The following KCNH5 variants were observed in gnomAD, a reference collection of about 807,000 sequenced individuals.
KCNH5 encodes the protein voltage-gated delayed rectifier potassium channel KCNH5.
In KCNH5, 46 loss-of-function variants were observed where a neutral mutation model predicts 96.1. The observed-to-expected ratio is 0.48, with a 90% CI of 0.38 to 0.61. KCNH5 has a LOEUF of 0.61. Ranked by LOEUF, KCNH5 falls within the 20% of genes least tolerant of loss-of-function variation. KCNH5 has a pLI of 0.00. For missense variants in KCNH5, 907 were observed against 1,225.8 expected, an observed-to-expected ratio of 0.74 and a Z score of 3.88; for synonymous variants, 439 against 449.8, an observed-to-expected ratio of 0.98 and a Z score of 0.30.
chr14:62,713,173 T>C (rs777303150), intron 10 of KCNH5, among the ~76,000 whole-genome samples: 1 of 152,222 alleles, frequency 6.6e-6, no homozygotes, highest in African/African-American at 2.4e-5. Context: ...ATTCAGCAAA[T>C]GTATGACGTG....
chr14:62,850,530 A>G (rs1434511281), intron 7 of KCNH5, among the ~76,000 whole-genome samples: 2 of 152,162 alleles, frequency 1.3e-5, no homozygotes, highest in Admixed American at 6.6e-5. Flanking sequence ...AATTAAATGT[A>G]AAGTTAGCCC....
Position 62,950,316 on chromosome 14 carries a change from T to C in KCNH5, c.1186A>G (p.Ile396Val). The change falls in exon 7 of 11, where the codon ATT (isoleucine) becomes GTT (valine). Residue 396 changes from isoleucine to valine, a missense_variant. Physicochemically the swap from Ile to Val is conservative, Grantham distance 29. This residue lies in a region of KCNH5 where 370 missense variants were observed against 561.3 expected (regional missense o/e 0.66). Transcript: ENST00000322893. ...GTATTGTAGCGATATGGAGTCCCAA[T>C]GCTCAAAGCCAGCTGGTAGAGCCAA... ...DSWLYQLALS[I>V]GTPYRYNTSA... The C allele has an allele frequency of 7.4e-6, 12 of 1,614,036 alleles. No individual in the cohort carries two copies. The highest frequency in any genetic ancestry group is 1.0e-5 in the Non-Finnish European group (12 of 1,179,964).
At chr14:62,858,691 T>A (rs1236454617) in intron 7 of KCNH5, among the ~76,000 whole-genome samples, 1 of 152,066 alleles carries the variant, frequency 6.6e-6, no homozygotes, top group Non-Finnish European at 1.5e-5. Context: ...TGCTAGTGGA[T>A]CCCTAGGGGT....
chr14:62,931,860 G>A (rs1889586869), intron 7 of KCNH5, among the ~76,000 whole-genome samples: 1 of 152,118 alleles, frequency 6.6e-6, no homozygotes, highest in South Asian at 2.1e-4. Context: ...AATGAAGGAA[G>A]AGCAGAAAGT....
At chr14:62,751,269 C>A (rs1451802538) in intron 10 of KCNH5, among the ~76,000 whole-genome samples, 1 of 152,156 alleles carries the variant, frequency 6.6e-6, no homozygotes, top group Non-Finnish European at 1.5e-5. Context: ...GGTAAAATGA[C>A]ATCTATGGGC....
chr14:62,815,804 C>G (rs905304068), intron 8 of KCNH5, among the ~76,000 whole-genome samples: 21 of 151,928 alleles, frequency 1.4e-4, no homozygotes, highest in Non-Finnish European at 5.9e-5. Context: ...ATCTACCAGT[C>G]TTCCAATAGA....
At chr14:62,895,206 A>C (rs981874500) in intron 7 of KCNH5, among the ~76,000 whole-genome samples, 7 of 152,168 alleles carry the variant, frequency 4.6e-5, no homozygotes, top group Non-Finnish European at 8.8e-5. Context: ...GTTCTTTGTT[A>C]ATTTTTTTAT....
chr14:62,772,714 G>A (rs1269395763), intron 10 of KCNH5, among the ~76,000 whole-genome samples: 3 of 150,658 alleles, frequency 2.0e-5, no homozygotes, highest in African/African-American at 4.9e-5. Context: ...ATACTAACCA[G>A]TACAGCAGTA....
chr14:62,961,367 C>T (rs1890201942), intron 6 of KCNH5, among the ~76,000 whole-genome samples: 2 of 152,126 alleles, frequency 1.3e-5, no homozygotes, highest in Admixed American at 1.3e-4. Context: ...TACCCACCAA[C>T]CGTTTCTTTT....
intron 10 of KCNH5, among the ~76,000 whole-genome samples, chr14:62,752,957 C>T (rs891532025): frequency 3.9e-5 from 6 of 152,144 alleles, no homozygotes; most frequent in African/African-American, 1.4e-4. Flanking sequence ...ATCTTTATAG[C>T]AGTGTGAAAA....
intron 2 of KCNH5, among the ~76,000 whole-genome samples, chr14:63,012,172 T>C (rs1479376298): frequency 6.6e-6 from 1 of 152,214 alleles, no homozygotes; most frequent in African/African-American, 2.4e-5. Flanking sequence ...TAAGATCATA[T>C]GCTTTTAAAT....
At chr14:62,894,964 A>G (rs1214365669) in intron 7 of KCNH5, among the ~76,000 whole-genome samples, 2 of 152,226 alleles carry the variant, frequency 1.3e-5, no homozygotes, top group Non-Finnish European at 2.9e-5. Context: ...TCTAATGATA[A>G]CTCAGAAACA....
chr14:62,870,000 T>C (rs1888220103), intron 7 of KCNH5, among the ~76,000 whole-genome samples: 1 of 152,234 alleles, frequency 6.6e-6, no homozygotes, highest in Admixed American at 6.5e-5. Flanking sequence ...GGCAAAACCA[T>C]GATTACTTTT....
intron 4 of KCNH5, among the ~76,000 whole-genome samples, chr14:62,993,599 T>C (rs1385061224): frequency 6.6e-6 from 1 of 152,072 alleles, no homozygotes; most frequent in African/African-American, 2.4e-5. Flanking sequence ...TCACTAACAA[T>C]GTCTTATACC....
intron 6 of KCNH5, among the ~76,000 whole-genome samples, chr14:62,954,417 C>A (rs2140133545): frequency 6.6e-6 from 1 of 152,298 alleles, no homozygotes; most frequent in Non-Finnish European, 1.5e-5. Context: ...CCTTAAGGAG[C>A]AGATCTACTG....
intron 1 of KCNH5, among the ~76,000 whole-genome samples, chr14:63,037,696 G>A (rs1433240234): frequency 6.6e-6 from 1 of 152,156 alleles, no homozygotes; most frequent in Non-Finnish European, 1.5e-5. Flanking sequence ...TCGATTTTTA[G>A]TTAGATATGG....
At chr14:63,033,115 C>T (rs1950986) in intron 1 of KCNH5, among the ~76,000 whole-genome samples, 46,358 of 152,058 alleles carry the variant, frequency 0.3, 8,553 homozygotes, top group East Asian at 0.6. Flanking sequence ...CGTCGACTAC[C>T]GCAAGACCAG....
chr14:62,783,388 A>G (rs1170770926), intron 9 of KCNH5, among the ~76,000 whole-genome samples: 1 of 152,242 alleles, frequency 6.6e-6, no homozygotes, highest in Non-Finnish European at 1.5e-5. Context: ...AAGCTTTTAA[A>G]GGGCTGCTTT....
At chr14:62,713,376 C>A (rs1477999465) in intron 10 of KCNH5, among the ~76,000 whole-genome samples, 1 of 152,330 alleles carries the variant, frequency 6.6e-6, no homozygotes, top group South Asian at 2.1e-4. Flanking sequence ...ACCTACCCAA[C>A]TACTGAGCAA....
Sources: allele counts gnomAD v4.1 joint callset (sites outside exome capture counted in the v4.1 genomes callset), GRCh38; gene constraint gnomAD v4.1.1; regional missense constraint gnomAD v4.1.1; transcripts MANE v1.5; gene names NCBI Gene and HGNC (gene_info 2026-07-23, HGNC 2026-07-21).